The following CHRNA10 variants were observed in gnomAD, a reference collection of about 807,000 sequenced individuals.
CHRNA10 encodes the protein neuronal acetylcholine receptor subunit alpha-10.
Under a neutral mutation model 36.0 loss-of-function variants are expected in CHRNA10, and 31 were observed. That is an observed-to-expected ratio of 0.86 (90% CI 0.65 to 1.16). The LOEUF (loss-of-function observed/expected upper bound fraction) is 1.16, where lower values mean the gene tolerates loss of function less well. Ranked by LOEUF, CHRNA10 falls within the 50% of genes most tolerant of loss-of-function variation. CHRNA10 has a pLI of 0.00. For synonymous variants in CHRNA10, 302 were observed against 287.0 expected, an observed-to-expected ratio of 1.05 and a Z score of -0.53; for missense variants, 648 against 640.9, an observed-to-expected ratio of 1.01 and a Z score of -0.12.
intron 1 of CHRNA10, 38 bp from the exon 2 acceptor site, chr11:3,669,979 C>T: frequency 6.2e-7 from 1 of 1,613,324 alleles, no homozygotes; most frequent in Non-Finnish European, 8.5e-7. Flanking sequence ...ATCCCAGGCC[C>T]TAGTCCCAGG....
At position 3,666,202 on chromosome 11, in the gene CHRNA10, T is replaced by G; in HGVS notation, c.1258A>C (p.Lys420Gln). The G allele has an allele frequency of 1.2e-6, 2 of 1,613,944 alleles. No individual in the cohort carries two copies. Among genetic ancestry groups the G allele is most frequent in the Non-Finnish European group, 1.7e-6 (2 of 1,179,934 alleles). ...RAAQRCHEDW[K>Q]RLARVMDRFF... ...CGGTCCATCACACGGGCCAGGCGCTTCCAGTCCTCATGGCAGCGCTGGGCA... is the reference window on the plus strand; with the variant it reads ...CGGTCCATCACACGGGCCAGGCGCTGCCAGTCCTCATGGCAGCGCTGGGCA... Residue 420 changes from lysine (K) to glutamine (Q), a missense_variant, in exon 5 of 5, where the codon AAG becomes CAG. By Grantham distance (53) the Lys-to-Gln change is moderately conservative. Coordinates refer to ENST00000250699, the MANE Select transcript of CHRNA10 (RefSeq NM_020402.4).
intron 3 of CHRNA10, among the ~76,000 whole-genome samples, chr11:3,668,066 C>A (rs534829855): frequency 1.3e-5 from 2 of 152,352 alleles, no homozygotes; most frequent in African/African-American, 4.8e-5. Context: ...GTTTTCCCGC[C>A]TTTTAAAGGT....
At chr11:3,671,146 G>A in intron 1 of CHRNA10, 106 bp downstream of exon 1, 1 of 1,149,186 alleles carries the variant, frequency 8.7e-7, no homozygotes, top group East Asian at 2.3e-5. Flanking sequence ...TCTCAGAACA[G>A]GTACTGAGGA....
Position 3,665,889 on chromosome 11 carries a change from T to A in CHRNA10, c.*218A>T. On this transcript the variant is annotated 3_prime_UTR_variant, in exon 5 of 5. Transcript: ENST00000250699. ...TCTTGGCCTTTGTAGAGTTCCTCTTTTTTTTGGAATTAGGGGAGTGGCAGG... is the reference window on the plus strand; with the variant it reads ...TCTTGGCCTTTGTAGAGTTCCTCTTATTTTTGGAATTAGGGGAGTGGCAGG... 1 of 481,522 alleles carries A rather than the reference T, an allele frequency of 2.1e-6. No homozygotes were observed. The highest frequency in any genetic ancestry group is 3.2e-5 in the East Asian group (1 of 31,404). 29.8% of individuals were successfully genotyped at this position (481,522 alleles called of 1,614,324 possible).
Position 3,671,332 on chromosome 11 carries a change from C to G in CHRNA10, c.-20G>C, listed in dbSNP as rs750584164. On this transcript the variant is annotated 5_prime_UTR_variant, in exon 1 of 5. Coordinates refer to ENST00000250699, the MANE Select transcript of CHRNA10 (RefSeq NM_020402.4). ...CCCCATGGCCCTGGCACTGCAAGAG[C>G]GGGGGCAGGTCTCTGGATGTGAGGC... The G allele has an allele frequency of 2.5e-6, 4 of 1,613,616 alleles. No homozygotes were observed. Among genetic ancestry groups the G allele is most frequent in the South Asian group, 2.2e-5 (2 of 91,060 alleles).
chr11:3,670,807 C>A (rs149235515), intron 1 of CHRNA10, among the ~76,000 whole-genome samples: 1 of 152,338 alleles, frequency 6.6e-6, no homozygotes, highest in Non-Finnish European at 1.5e-5. Flanking sequence ...CTTGAGTCTA[C>A]CCTCTCCCCT....
chr11:3,671,212 C>A, intron 1 of CHRNA10, 40 bp downstream of exon 1: 1 of 1,595,320 alleles, frequency 6.3e-7, no homozygotes, highest in Non-Finnish European at 8.6e-7. Context: ...AATAGTAGCA[C>A]CACCAGGAGA....
In CHRNA10 at chr11:3,667,426, C is replaced by A. The variant is rs777354719; in HGVS notation, c.701G>T (p.Arg234Leu). The part of the protein sequence containing the change: ...PDVTFTLLLR[R>L]RAAAYVCNLL... ...GTTGCACACGTAGGCGGCGGCGCGG[C>A]GGCGCAGCAGCAGCGTGAAGGTGAC... is the stretch of plus-strand genomic sequence containing the variant. The change falls in exon 4 of 5, where the codon CGC becomes CTC. Residue 234 changes from arginine to leucine, a missense_variant. Physicochemically the swap from Arg to Leu is moderately radical, Grantham distance 102. Transcript: ENST00000250699. 7 of 1,596,334 alleles carry A rather than the reference C, an allele frequency of 4.4e-6. No individual in the cohort carries two copies. The highest frequency in any genetic ancestry group is 5.9e-6 in the Non-Finnish European group (7 of 1,176,570).
At chr11:3,671,042 G>A (rs1303802840) in intron 1 of CHRNA10, 2 of 589,772 alleles carry the variant, frequency 3.4e-6, no homozygotes, top group Non-Finnish European at 3.0e-6. Context: ...GTCTCTGGAA[G>A]CTCCCCGCTC....
chr11:3,667,307 C>A lies in CHRNA10; in HGVS notation c.820G>T (p.Val274Leu). Residue 274 changes from valine (V) to leucine (L), a missense_variant, in exon 4 of 5, where the codon GTG becomes TTG. By Grantham distance (32) the Val-to-Leu change is conservative (BLOSUM62 1). Transcript: ENST00000250699. ...TGGAAGACGGTGAGCGCCAGCAGCA[C>A]GGTGACGCCCAGCGACACCTTCTCG... ...SGEKVSLGVT[V>L]LLALTVFQLL... The A allele has an allele frequency of 6.3e-7, 1 of 1,599,188 alleles. No homozygotes were observed. The highest frequency in any genetic ancestry group is 8.5e-7 in the Non-Finnish European group (1 of 1,178,554).
In CHRNA10 at chr11:3,669,818, G is replaced by A. The variant is rs1439556280; in HGVS notation, c.185C>T (p.Thr62Ile). 2 of 1,614,216 alleles carry A rather than the reference G, an allele frequency of 1.2e-6. No homozygotes were observed. Among genetic ancestry groups the A allele is most frequent in the African/African-American group, 1.3e-5 (1 of 75,064 alleles). The stretch of plus-strand genomic sequence containing the variant: ...CACCATGTCGATGATCTGGGACAGT[G>A]TCACCTCCAGGGTCACATTCAGAGT... ...DQTLNVTLEV[T>I]LSQIIDMDER... Residue 62 changes from threonine (T) to isoleucine (I), a missense_variant, in exon 2 of 5, where the codon ACA becomes ATA. By Grantham distance (89) the Thr-to-Ile change is moderately conservative. Coordinates refer to ENST00000250699, the MANE Select transcript of CHRNA10 (RefSeq NM_020402.4).
chr11:3,669,310 C>A lies in CHRNA10; in HGVS notation c.248G>T (p.Arg83Leu). 1.1e-5 allele frequency: 17 copies of A among 1,614,036 alleles called. No individual in the cohort carries two copies. Among genetic ancestry groups the A allele is most frequent in the Non-Finnish European group, 1.4e-5 (17 of 1,179,970 alleles). ...TAGGTAGGCATCTGTCCACTCCTGC[C>A]GTATCCACAGATACAGGGTCAGCAC... Reference protein sequence around the residue: ...NQVLTLYLWIRQEWTDAYLRW... With the variant: ...NQVLTLYLWILQEWTDAYLRW... The change falls in exon 3 of 5, where the codon CGG (arginine) becomes CTG (leucine). Residue 83 changes from arginine (R) to leucine (L), a missense_variant. Coordinates refer to ENST00000250699, the MANE Select transcript of CHRNA10 (RefSeq NM_020402.4).
In CHRNA10 at chr11:3,667,614, C is replaced by T. The variant is rs1365514335; in HGVS notation, c.513G>A (p.Thr171=). The T allele has an allele frequency of 1.9e-6, 3 of 1,556,744 alleles. No homozygotes were observed. The highest frequency in any genetic ancestry group is 2.6e-6 in the Non-Finnish European group (3 of 1,155,846). ...GCCCGCCGTGAGTCCAGGAGCCGAACGTCAGGCCGCAGTGCTGGGCGTCGA... is the reference window on the plus strand; with the variant it reads ...GCCCGCCGTGAGTCCAGGAGCCGAATGTCAGGCCGCAGTGCTGGGCGTCGA... The part of the protein sequence containing the change: ...FPFDAQHCGL[T]FGSWTHGGHQ... The change falls in exon 4 of 5, where the codon ACG becomes ACA. Residue 171 remains threonine, a synonymous_variant. Coordinates refer to ENST00000250699, the MANE Select transcript of CHRNA10 (RefSeq NM_020402.4).
Position 3,665,790 on chromosome 11 carries a change from AC to A in CHRNA10, c.*316del. On this transcript the variant is annotated 3_prime_UTR_variant, in exon 5 of 5. Coordinates refer to ENST00000250699, the MANE Select transcript of CHRNA10 (RefSeq NM_020402.4). ...CAGTACAGTTCAGTTTCTCATTATA[AC>A]CCATGTGCTCCCCACTGAGAGCTCC... The A allele has an allele frequency of 3.8e-6, 1 of 262,722 alleles. No homozygotes were observed. The highest frequency in any genetic ancestry group is 2.2e-5 in the African/African-American group (1 of 45,410). The allele number at this position is 262,722 out of a possible 1,614,324, so 16.3% of individuals were successfully genotyped here. A position where few individuals can be genotyped will look rare whatever the true frequency, so the allele number is the denominator to read the frequency against.
At position 3,669,810 on chromosome 11, in the gene CHRNA10, G is replaced by A. The variant is rs1325866163; in HGVS notation, c.193C>T (p.Gln65Ter). ...LNVTLEVTLS[Q>*]IIDMDERNQV... The stretch of plus-strand genomic sequence containing the variant: ...CCACAACGCACCATGTCGATGATCT[G>A]GGACAGTGTCACCTCCAGGGTCACA... The change falls in exon 2 of 5, where the codon CAG becomes TAG. Residue 65 changes from glutamine to a stop codon, truncating the protein, a stop_gained. Coordinates refer to ENST00000250699, the MANE Select transcript of CHRNA10 (RefSeq NM_020402.4). LOFTEE classifies it high-confidence loss of function. 6.2e-7 allele frequency: 1 copy of A among 1,614,166 alleles called. No individual in the cohort carries two copies. The highest frequency in any genetic ancestry group is 1.1e-5 in the South Asian group (1 of 91,078).
chr11:3,668,920 G>A (rs1018021537), intron 3 of CHRNA10: 3 of 336,324 alleles, frequency 8.9e-6, no homozygotes, highest in African/African-American at 2.1e-5. Context: ...AGAGCTAAAA[G>A]TGTGCCCTAG....
In CHRNA10 at chr11:3,671,377, C is replaced by T. The variant is rs1466327923; in HGVS notation, c.-65G>A. ...TGAGGCCTCCTGGCCAGACCTAGGG[C>T]AAAATTAGGCCCAGCTGGCAAGGAT... On this transcript the variant is annotated 5_prime_UTR_variant, in exon 1 of 5. Coordinates refer to ENST00000250699, the MANE Select transcript of CHRNA10 (RefSeq NM_020402.4). The T allele has an allele frequency of 3.3e-6, 5 of 1,516,348 alleles. No homozygotes were observed. The highest frequency in any genetic ancestry group is 9.1e-7 in the Non-Finnish European group (1 of 1,094,092). 93.9% of individuals were successfully genotyped at this position (1,516,348 alleles called of 1,614,324 possible).
chr11:3,667,173 G>T lies in CHRNA10; in HGVS notation c.895+59C>A, dbSNP rs2077668613. On this transcript the variant is annotated intron_variant, in intron 4 of 4. Coordinates refer to ENST00000250699, the MANE Select transcript of CHRNA10 (RefSeq NM_020402.4). ...TTCCGCAGACCCAGGCCCTGTCGCGGCCCCGCCCTGGGGGGACCCCAGCGC... is the reference window on the plus strand; with the variant it reads ...TTCCGCAGACCCAGGCCCTGTCGCGTCCCCGCCCTGGGGGGACCCCAGCGC... The T allele has an allele frequency of 4.1e-6, 6 of 1,474,612 alleles. No individual in the cohort carries two copies. In the East Asian group the frequency reaches 1.3e-4, roughly 31 times the overall value. 91.3% of individuals were successfully genotyped at this position (1,474,612 alleles called of 1,614,324 possible).
At position 3,669,856 on chromosome 11, in the gene CHRNA10, TGCCACAGGTCTCA is replaced by T; in HGVS notation, c.134_146del (p.Leu45GlnfsTer7). 1 of 1,614,186 alleles carries T rather than the reference TGCCACAGGTCTCA, an allele frequency of 6.2e-7. No homozygotes were observed. The stretch of plus-strand genomic sequence containing the variant: ...TCACATTCAGAGTCTGGTCTGTGTC[TGCCACAGGTCTCA>T]GGGCACTTGTGTAGTTGGCAAAGAG... On this transcript the variant is annotated frameshift_variant, in exon 2 of 5. Transcript: ENST00000250699. LOFTEE classifies it high-confidence loss of function.
Sources: gnomAD v4.1 joint callset for allele counts (sites outside exome capture counted in the v4.1 genomes callset) on GRCh38, gnomAD v4.1.1 for gene constraint, MANE v1.5 for transcripts, NCBI Gene and HGNC (gene_info 2026-07-23, HGNC 2026-07-21) for gene names.